PDZRN3: variants seen among roughly 807,000 people sequenced by gnomAD.
PDZRN3 encodes the protein E3 ubiquitin-protein ligase PDZRN3.
A neutral mutation model predicts 85.7 loss-of-function variants in PDZRN3; 38 were observed. The observed-to-expected ratio is 0.44, with a 90% CI of 0.34 to 0.58. The LOEUF is 0.58. PDZRN3 is among the 20% of genes least tolerant of loss of function. PDZRN3 has a pLI of 0.01. For missense variants in PDZRN3, 1,629 were observed against 1,506.4 expected (o/e 1.08, Z -1.35); for synonymous variants, 759 against 638.0 (o/e 1.19, Z -2.86).
At position 73,384,709 on chromosome 3, in the gene PDZRN3, G is replaced by A. The variant is rs767172453; in HGVS notation, c.1857C>T (p.Pro619=). The change falls in exon 10 of 10, where the codon CCC becomes CCT. Residue 619 remains proline, a synonymous_variant. Coordinates refer to ENST00000263666, the MANE Select transcript of PDZRN3 (RefSeq NM_015009.3). ...CCGAAATGAAAGACTCGTTGCTGAA[G>A]GGCAGGTCGCCGCTGCCCAAGGTGT... is the stretch of plus-strand genomic sequence containing the variant. ...SQDTLGSGDL[P]FSNESFISAD... 1.2e-6 allele frequency: 2 copies of A among 1,614,060 alleles called. No homozygotes were observed. Among genetic ancestry groups the A allele is most frequent in the Non-Finnish European group, 1.7e-6 (2 of 1,180,030 alleles).
In PDZRN3 at chr3:73,439,157, G is replaced by C. The variant is rs142429086; in HGVS notation, c.919-34762C>G. 5.9e-4 allele frequency among the ~76,000 whole-genome samples: 90 copies of C among 152,318 alleles called. 1 individual carries two copies. Among genetic ancestry groups the C allele is most frequent in the Admixed American group, 4.9e-3 (75 of 15,294 alleles). On this transcript the variant is annotated intron_variant, in intron 3 of 9. Transcript: ENST00000263666. ...CTTCCAGTGCAAGAACCAGGCCTCA[G>C]TCAGCGGTATATGCCCACCAACTTC...
At chr3:73,411,319 A>G (rs959107052) in intron 3 of PDZRN3, among the ~76,000 whole-genome samples, 8 of 152,224 alleles carry the variant, frequency 5.3e-5, no homozygotes, top group Non-Finnish European at 1.0e-4. Flanking sequence ...GAGGAAAGAG[A>G]CAAGAAATAA....
intron 5 of PDZRN3, among the ~76,000 whole-genome samples, chr3:73,392,387 T>C (rs2106696250): frequency 6.6e-6 from 1 of 152,352 alleles, no homozygotes; most frequent in South Asian, 2.1e-4. Context: ...CAGCAGTCTG[T>C]CTTGCTGATA....
intron 3 of PDZRN3, among the ~76,000 whole-genome samples, chr3:73,598,272 A>G (rs1274764667): frequency 3.3e-5 from 5 of 152,232 alleles, no homozygotes. Context: ...GGAACCTTGC[A>G]TTGTCTTTAA....
intron 3 of PDZRN3, among the ~76,000 whole-genome samples, chr3:73,492,206 AAAATT>A (rs1299445654): frequency 6.6e-6 from 1 of 152,176 alleles, no homozygotes; most frequent in Non-Finnish European, 1.5e-5. Context: ...TTTCCAAAAT[AAAATT>A]ATCAAAATAT....
At chr3:73,596,383 C>T (rs145435960) in intron 3 of PDZRN3, among the ~76,000 whole-genome samples, 2 of 152,276 alleles carry the variant, frequency 1.3e-5, no homozygotes, top group East Asian at 3.9e-4. Flanking sequence ...ATGATAAAAC[C>T]AGTGTGTGAC....
At chr3:73,420,208 A>C (rs1702171521) in intron 3 of PDZRN3, among the ~76,000 whole-genome samples, 1 of 152,298 alleles carries the variant, frequency 6.6e-6, no homozygotes, top group Non-Finnish European at 1.5e-5. Context: ...CCATATTGAG[A>C]TGACTCAGGA....
In PDZRN3 at chr3:73,619,275, C is replaced by G. The variant is rs772544867; in HGVS notation, c.723+4828G>C. ...AACTCATCACCAAATGAATACATAT[C>G]AAGAGCTTACAGTGCACATGGCAAT... On this transcript the variant is annotated intron_variant, in intron 1 of 9. Transcript: ENST00000263666. Among the ~76,000 whole-genome samples, 14 of 152,272 alleles carry G rather than the reference C, an allele frequency of 9.2e-5. No homozygotes were observed. In the South Asian group the frequency reaches 2.9e-3, roughly 32 times the overall value.
intron 3 of PDZRN3, among the ~76,000 whole-genome samples, chr3:73,581,971 G>A (rs1457193428): frequency 2.4e-5 from 3 of 124,774 alleles, no homozygotes; most frequent in Non-Finnish European, 3.7e-5. Context: ...GTGGTGGCAC[G>A]TGCCTGTGGT....
At chr3:73,486,199 T>C (rs541986918) in intron 3 of PDZRN3, among the ~76,000 whole-genome samples, 203 of 152,266 alleles carry the variant, frequency 1.3e-3, no homozygotes, top group African/African-American at 4.7e-3. Flanking sequence ...GAGATGCCAG[T>C]GGCTGGGAAT....
In PDZRN3 at chr3:73,540,411, T is replaced by C. The variant is rs536291499; in HGVS notation, c.918+61943A>G. On this transcript the variant is annotated intron_variant, in intron 3 of 9. Coordinates refer to ENST00000263666, the MANE Select transcript of PDZRN3 (RefSeq NM_015009.3). ...AACTACCCTCTATATTGGACATATG[T>C]AGTATTTTATAAAATGACTGTTACG... Among the ~76,000 whole-genome samples, 37 of 152,314 alleles carry C rather than the reference T, an allele frequency of 2.4e-4. 1 individual carries two copies. Among genetic ancestry groups the C allele is most frequent in the African/African-American group, 8.4e-4 (35 of 41,566 alleles).
chr3:73,575,022 A>T (rs543193455), intron 3 of PDZRN3, among the ~76,000 whole-genome samples: 2 of 152,328 alleles, frequency 1.3e-5, no homozygotes, highest in Non-Finnish European at 2.9e-5. Flanking sequence ...TTTGTTTTTT[A>T]AAAATAAAAA....
intron 3 of PDZRN3, among the ~76,000 whole-genome samples, chr3:73,421,210 T>TCA (rs1702195113): frequency 6.6e-6 from 1 of 152,206 alleles, no homozygotes; most frequent in East Asian, 1.9e-4. Context: ...CCAGATACAC[T>TCA]CACACACACA....
Position 73,383,395 on chromosome 3 carries a change from GTA to G in PDZRN3, c.3169_3170del (p.Tyr1057GlnfsTer19), listed in dbSNP as rs1462356402. 1 of 1,613,110 alleles carries G rather than the reference GTA, an allele frequency of 6.2e-7. No homozygotes were observed. The highest frequency in any genetic ancestry group is 1.3e-5 in the African/African-American group (1 of 74,904). On this transcript the variant is annotated frameshift_variant, in exon 10 of 10. Coordinates refer to ENST00000263666, the MANE Select transcript of PDZRN3 (RefSeq NM_015009.3). LOFTEE classifies it high-confidence loss of function. Reference sequence around the variant, plus strand: ...CAGTAGTCACCGATAGGAAGGAATTGTATACTCTAGTGCCGTCCGGGGATTTT... The same window carrying G: ...CAGTAGTCACCGATAGGAAGGAATTGTACTCTAGTGCCGTCCGGGGATTTT... ...GTKSPDGTRV[Y>X]NSFLSVTTV
chr3:73,546,759 G>T (rs1241045351), intron 3 of PDZRN3, among the ~76,000 whole-genome samples: 1 of 152,254 alleles, frequency 6.6e-6, no homozygotes, highest in Admixed American at 6.5e-5. Flanking sequence ...TCTTCACGCT[G>T]AAGCTGAGCA....
At chr3:73,537,934 ATCT>A (rs1319666499) in intron 3 of PDZRN3, among the ~76,000 whole-genome samples, 1 of 151,998 alleles carries the variant, frequency 6.6e-6, no homozygotes, top group Non-Finnish European at 1.5e-5. Flanking sequence ...TACAACTGTT[ATCT>A]TCTTTAAGAA....
rs953144011 is a variant in PDZRN3, at chr3:73,389,867, G to C, written c.1365C>G (p.Asn455Lys). ...IGIYISEIDPNSIAAKDGRIR... is the reference protein window; with the variant it reads ...IGIYISEIDPKSIAAKDGRIR... ...TGCGCCCATCCTTGGCTGCAATGCT[G>C]TTAGGGTCAATCTGAAACACACATG... The change falls in exon 7 of 10, where the codon AAC becomes AAG. Residue 455 changes from asparagine to lysine, a missense_variant. By Grantham distance (94) the Asn-to-Lys change is moderately conservative (BLOSUM62 0). Coordinates refer to ENST00000263666, the MANE Select transcript of PDZRN3 (RefSeq NM_015009.3). 1.9e-6 allele frequency: 3 copies of C among 1,613,334 alleles called. No homozygotes were observed. Among genetic ancestry groups the C allele is most frequent in the African/African-American group, 2.7e-5 (2 of 74,918 alleles).
intron 3 of PDZRN3, chr3:73,561,452 A>G (rs1226270612): frequency 2.4e-4 from 36 of 152,256 alleles, no homozygotes; most frequent in Non-Finnish European, 1.5e-5. Flanking sequence ...TATACTCACC[A>G]GGGAAAGCTG....
chr3:73,452,874 T>TGTGTGTGTG (rs71126871), intron 3 of PDZRN3, among the ~76,000 whole-genome samples: 10 of 151,522 alleles, frequency 6.6e-5, no homozygotes, highest in Non-Finnish European at 8.8e-5. Flanking sequence ...TGTGTGTGTG[T>TGTGTGTGTG]TTTAAGTCCA....
Sources: allele counts gnomAD v4.1 joint callset (sites outside exome capture counted in the v4.1 genomes callset), GRCh38; gene constraint gnomAD v4.1.1; transcripts MANE v1.5; gene names NCBI Gene and HGNC (gene_info 2026-07-23, HGNC 2026-07-21).